CCSER1: variants seen among roughly 807,000 people sequenced by gnomAD.
The protein encoded by CCSER1 is coiled-coil serine rich protein 1.
Under a neutral mutation model 82.0 loss-of-function variants are expected in CCSER1, and 41 were observed. The observed-to-expected ratio is 0.50, with a 90% confidence interval of 0.39 to 0.65. CCSER1 has a LOEUF of 0.65. CCSER1 is among the 30% of genes least tolerant of loss of function. The pLI, the probability that CCSER1 is intolerant of heterozygous loss-of-function variation, is 0.00. For missense variants in CCSER1, 1,119 were observed against 1,064.2 expected (o/e 1.05, Z -0.72); for synonymous variants, 414 against 383.9 (o/e 1.08, Z -0.92).
At chr4:91,329,893 A>G (rs1290643615) in intron 10 of CCSER1, among the ~76,000 whole-genome samples, 1 of 151,542 alleles carries the variant, frequency 6.6e-6, no homozygotes, top group East Asian at 1.9e-4. Flanking sequence ...TTGTTGTTAA[A>G]TTTTTTTCCC....
At chr4:91,009,563 T>C (rs1738831956) in intron 9 of CCSER1, among the ~76,000 whole-genome samples, 1 of 152,172 alleles carries the variant, frequency 6.6e-6, no homozygotes, top group African/African-American at 2.4e-5. Flanking sequence ...GGTTGGTTTG[T>C]TGCTCTTTCC....
chr4:90,334,818 A>T (rs1740070741), intron 3 of CCSER1, among the ~76,000 whole-genome samples: 1 of 152,136 alleles, frequency 6.6e-6, no homozygotes, highest in Non-Finnish European at 1.5e-5. Context: ...TACCATTCTA[A>T]TATTTTGACT....
intron 10 of CCSER1, among the ~76,000 whole-genome samples, chr4:91,352,392 G>A (rs112038308): frequency 0.02 from 3,022 of 152,224 alleles, 92 homozygotes; most frequent in African/African-American, 0.067. Flanking sequence ...AACTACAGGC[G>A]TGTGCCACCA....
chr4:90,483,444 G>A (rs138373665), intron 5 of CCSER1, among the ~76,000 whole-genome samples: 2,187 of 152,270 alleles, frequency 0.014, 32 homozygotes, highest in African/African-American at 0.043. Flanking sequence ...TTGCTTGTTA[G>A]TTGATGCAGT....
chr4:91,383,131 G>T (rs955288670), intron 10 of CCSER1, among the ~76,000 whole-genome samples: 4 of 152,020 alleles, frequency 2.6e-5, no homozygotes, highest in African/African-American at 9.7e-5. Flanking sequence ...GAAAAAAATT[G>T]TGTGATTCAG....
chr4:90,882,903 G>A (rs1365297073), intron 8 of CCSER1, among the ~76,000 whole-genome samples: 2 of 151,876 alleles, frequency 1.3e-5, no homozygotes, highest in Non-Finnish European at 2.9e-5. Context: ...TTTATCAAGC[G>A]CTTCATGTTT....
chr4:90,258,608 A>C (rs1578797300), intron 1 of CCSER1, among the ~76,000 whole-genome samples: 1 of 152,316 alleles, frequency 6.6e-6, no homozygotes, highest in Non-Finnish European at 1.5e-5. Flanking sequence ...AAAGTTCCTT[A>C]TTTATAGTTT....
chr4:90,831,997 C>A (rs1396469828), intron 8 of CCSER1, among the ~76,000 whole-genome samples: 1 of 151,760 alleles, frequency 6.6e-6, no homozygotes, highest in Non-Finnish European at 1.5e-5. Flanking sequence ...TGTGTAATTA[C>A]GTTCTTAAAA....
At chr4:91,311,766 G>A (rs1291624328) in intron 10 of CCSER1, among the ~76,000 whole-genome samples, 3 of 151,864 alleles carry the variant, frequency 2.0e-5, no homozygotes, top group Non-Finnish European at 4.4e-5. Context: ...ATACCATATA[G>A]GTAGAATTAT....
chr4:91,177,203 C>T (rs1733482903), intron 10 of CCSER1, among the ~76,000 whole-genome samples: 1 of 152,180 alleles, frequency 6.6e-6, no homozygotes, highest in African/African-American at 2.4e-5. Context: ...TTTTGATGTG[C>T]TGCTGGATTC....
chr4:90,872,273 C>T (rs2150035594), intron 8 of CCSER1, among the ~76,000 whole-genome samples: 1 of 151,694 alleles, frequency 6.6e-6, no homozygotes, highest in South Asian at 2.1e-4. Flanking sequence ...TATCCTTCTT[C>T]CCACCTTCTA....
chr4:90,230,720 G>A (rs1298324267), intron 1 of CCSER1, among the ~76,000 whole-genome samples: 27 of 150,298 alleles, frequency 1.8e-4, no homozygotes, highest in South Asian at 1.1e-3. Flanking sequence ...TTGATAGACC[G>A]CTAGCAAGAC....
chr4:90,518,372 C>T (rs1205365096), intron 5 of CCSER1, among the ~76,000 whole-genome samples: 1 of 151,998 alleles, frequency 6.6e-6, no homozygotes, highest in South Asian at 2.1e-4. Flanking sequence ...GAAAACAAGT[C>T]TTGACATTTA....
rs1554062039 is a variant in CCSER1, at chr4:91,056,305, A to AT, written c.2173-29644dup. Among the ~76,000 whole-genome samples the AT allele has an allele frequency of 6.3e-3, 955 of 151,020 alleles. 5 individuals are homozygous for AT. The highest frequency in any genetic ancestry group is 0.022 in the African/African-American group (911 of 40,504). On this transcript the variant is annotated intron_variant, in intron 9 of 10. Coordinates refer to ENST00000509176, the MANE Select transcript of CCSER1 (RefSeq NM_001145065.2). The stretch of plus-strand genomic sequence containing the variant: ...CAGAATACCTGAGACTGGGTAATTT[A>AT]TAAAAAAAAAGAAGATAATTTATCA...
chr4:90,400,808 G>C lies in CCSER1; in HGVS notation c.1603+679G>C, dbSNP rs368132439. Among the ~76,000 whole-genome samples, 23 of 152,216 alleles carry C rather than the reference G, an allele frequency of 1.5e-4. 2 individuals are homozygous for C. In the East Asian group the frequency reaches 4.2e-3, roughly 28 times the overall value. Reference sequence around the variant, plus strand: ...ATTATTGGTCGTCCATTCAAATTTAGATATTTGACAGCAAAAGTAAACATT... The same window carrying C: ...ATTATTGGTCGTCCATTCAAATTTACATATTTGACAGCAAAAGTAAACATT... On this transcript the variant is annotated intron_variant, in intron 4 of 10. Coordinates refer to ENST00000509176, the MANE Select transcript of CCSER1 (RefSeq NM_001145065.2).
At chr4:90,810,835 T>C (rs1252192944) in intron 7 of CCSER1, among the ~76,000 whole-genome samples, 4 of 138,002 alleles carry the variant, frequency 2.9e-5, no homozygotes, top group Non-Finnish European at 6.3e-5. Context: ...AGTAATTCTT[T>C]TTTTTTTTTT....
chr4:90,869,379 A>G lies in CCSER1; in HGVS notation c.2094+53534A>G, dbSNP rs144936955. Among the ~76,000 whole-genome samples, 441 of 152,134 alleles carry G rather than the reference A, an allele frequency of 2.9e-3. 1 individual carries two copies. Among genetic ancestry groups the G allele is most frequent in the Non-Finnish European group, 5.8e-3 (394 of 67,978 alleles). On this transcript the variant is annotated intron_variant, in intron 8 of 10. Transcript: ENST00000509176. ...TTCCACTTTGACTTGATTTTTGCAT[A>G]TGGGTAGCAATAGGGGTCTAGTTTT... is the stretch of plus-strand genomic sequence containing the variant.
chr4:90,153,349 T>C (rs1289847325), intron 1 of CCSER1, among the ~76,000 whole-genome samples: 1 of 152,128 alleles, frequency 6.6e-6, no homozygotes, highest in African/African-American at 2.4e-5. Flanking sequence ...TAAACATACA[T>C]GTGCATGTGT....
chr4:90,377,564 C>T (rs1561126875), intron 3 of CCSER1, among the ~76,000 whole-genome samples: 1 of 152,066 alleles, frequency 6.6e-6, no homozygotes, highest in Non-Finnish European at 1.5e-5. Flanking sequence ...ATCAGTAGCA[C>T]ATCAAAATCT....
Sources: gnomAD v4.1 joint callset for allele counts (sites outside exome capture counted in the v4.1 genomes callset) on GRCh38, gnomAD v4.1.1 for gene constraint, MANE v1.5 for transcripts, NCBI Gene and HGNC (gene_info 2026-07-23, HGNC 2026-07-21) for gene names.